Variants in TPO observed in about 807,000 individuals in gnomAD.
TPO encodes the protein thyroid microsomal antigen.
TPO carries 78 observed loss-of-function variants against 96.9 expected under a neutral mutation model. That is an observed-to-expected ratio of 0.81 (90% CI 0.67 to 0.97). TPO has a LOEUF of 0.97. TPO is among the 50% of genes least tolerant of loss of function. The pLI, the probability that TPO is intolerant of heterozygous loss-of-function variation, is 0.00. For synonymous variants in TPO, 547 were observed against 538.0 expected (o/e 1.02, Z -0.23); for missense variants, 1,252 against 1,274.8 (o/e 0.98, Z 0.27).
intron 4 of TPO, among the ~76,000 whole-genome samples, chr2:1,435,911 G>T (rs1200962562): frequency 6.6e-6 from 1 of 152,166 alleles, no homozygotes; most frequent in African/African-American, 2.4e-5. Context: ...TGATGAATGA[G>T]CCCTGGAGAT....
At chr2:1,527,366 C>T (rs1333494753) in intron 15 of TPO, among the ~76,000 whole-genome samples, 1 of 144,984 alleles carries the variant, frequency 6.9e-6, no homozygotes, top group Non-Finnish European at 1.5e-5. Context: ...TCCCCAAATC[C>T]CCGCACTGTG....
intron 9 of TPO, among the ~76,000 whole-genome samples, chr2:1,485,107 A>C (rs1330745682): frequency 1.5e-5 from 2 of 133,448 alleles, no homozygotes; most frequent in South Asian, 2.4e-4. Context: ...CCCTGTGTCC[A>C]TGTGTTCTCA....
At chr2:1,497,183 C>T (rs1213378120) in intron 13 of TPO, among the ~76,000 whole-genome samples, 1 of 152,212 alleles carries the variant, frequency 6.6e-6, no homozygotes, top group African/African-American at 2.4e-5. Flanking sequence ...ATGCCTGGTC[C>T]TCCTCCAGCC....
chr2:1,456,999 G>A (rs4927582), intron 7 of TPO, among the ~76,000 whole-genome samples: 2 of 8,386 alleles, frequency 2.4e-4, no homozygotes, highest in South Asian at 0.017. Context: ...ACACATATAT[G>A]TAGCATGTAT....
Position 1,503,116 on chromosome 2 carries a change from G to A in TPO, c.2387-832G>A, listed in dbSNP as rs184948454. 4.0e-3 allele frequency among the ~76,000 whole-genome samples: 616 copies of A among 152,282 alleles called. 6 individuals carry two copies. The highest frequency in any genetic ancestry group is 0.014 in the African/African-American group (589 of 41,562). On this transcript the variant is annotated intron_variant, in intron 13 of 16. Transcript: ENST00000329066. Reference sequence around the variant, plus strand: ...TCCACTCAGCGGTGAGACTGGGGAGGGTCCCTCCACCTCTCCCAGTGCTTT... The same window carrying A: ...TCCACTCAGCGGTGAGACTGGGGAGAGTCCCTCCACCTCTCCCAGTGCTTT...
At chr2:1,502,097 C>T (rs1201010790) in intron 13 of TPO, among the ~76,000 whole-genome samples, 1 of 151,978 alleles carries the variant, frequency 6.6e-6, no homozygotes, top group Non-Finnish European at 1.5e-5. Flanking sequence ...GGGCTTGTAG[C>T]GTTCATGGGT....
At chr2:1,507,704 A>G (rs1210637061) in intron 14 of TPO, among the ~76,000 whole-genome samples, 1 of 151,768 alleles carries the variant, frequency 6.6e-6, no homozygotes, top group African/African-American at 2.4e-5. Flanking sequence ...TTGGTGTATA[A>G]GAATGCTTGT....
intron 5 of TPO, 28 bp downstream of exon 5, chr2:1,436,412 C>G: frequency 6.2e-7 from 1 of 1,614,092 alleles, no homozygotes; most frequent in Non-Finnish European, 8.5e-7. Flanking sequence ...TCTTAATCTT[C>G]TCGTGAAAGT....
chr2:1,424,731 C>A (rs1664145774), intron 3 of TPO, among the ~76,000 whole-genome samples: 1 of 152,196 alleles, frequency 6.6e-6, no homozygotes, highest in Non-Finnish European at 1.5e-5. Context: ...TACTGTGGAA[C>A]AGTCATTGTT....
intron 5 of TPO, among the ~76,000 whole-genome samples, chr2:1,453,025 A>T (rs898721787): frequency 3.9e-5 from 6 of 152,246 alleles, no homozygotes; most frequent in Admixed American, 6.5e-5. Context: ...AAACTTCACC[A>T]TCTAGCCTAT....
intron 5 of TPO, 139 bp downstream of exon 5, chr2:1,436,523 C>CGACAT: frequency 7.5e-7 from 1 of 1,326,100 alleles, no homozygotes; most frequent in Non-Finnish European, 1.1e-6. Context: ...TTGGCCTCCC[C>CGACAT]GACATGGCCT....
chr2:1,539,865 A>G (rs762478030), intron 15 of TPO, among the ~76,000 whole-genome samples: 14 of 135,554 alleles, frequency 1.0e-4, no homozygotes, highest in East Asian at 2.2e-4. Flanking sequence ...GCAGCTCAGT[A>G]TTTGGGGAAT....
At chr2:1,505,281 G>A (rs534309866) in intron 14 of TPO, among the ~76,000 whole-genome samples, 316 of 140,216 alleles carry the variant, frequency 2.3e-3, no homozygotes, top group Middle Eastern at 4.5e-3. Context: ...TGTGTCAGGC[G>A]CACCCCACTA....
intron 5 of TPO, among the ~76,000 whole-genome samples, chr2:1,436,636 C>T (rs942844647): frequency 1.3e-5 from 2 of 152,192 alleles, no homozygotes; most frequent in Admixed American, 1.3e-4. Flanking sequence ...TCTTAACTTC[C>T]TAACCCCACA....
Position 1,512,521 on chromosome 2 carries a change from T to C in TPO, c.2519-4362T>C. The stretch of plus-strand genomic sequence containing the variant: ...GATGGATGTGATGCTTGCATGGTGC[T>C]GTCCCTGCCCCGCTCCGCCCCTGCT... On this transcript the variant is annotated intron_variant, in intron 14 of 16. Coordinates refer to ENST00000329066, the MANE Select transcript of TPO (RefSeq NM_001206744.2). The C allele has an allele frequency of 7.2e-6, 7 of 975,174 alleles. No individual in the cohort carries two copies. The South Asian group carries it at 2.8e-4, about 40-fold the overall frequency. The allele number at this position is 975,174 out of a possible 1,614,324, so 60.4% of individuals were successfully genotyped here. A position where few individuals can be genotyped will look rare whatever the true frequency, so the allele number is the denominator to read the frequency against.
intron 7 of TPO, among the ~76,000 whole-genome samples, chr2:1,462,178 A>G (rs1668508432): frequency 6.6e-6 from 1 of 152,024 alleles, no homozygotes; most frequent in East Asian, 1.9e-4. Context: ...TGCTTGTGGG[A>G]CCCTGAAGGC....
rs545004628 is a variant in TPO at position 1,432,668 on chromosome 2, G to A, written c.180-770G>A. On this transcript the variant is annotated intron_variant, in intron 3 of 16. Transcript: ENST00000329066. ...GCAGGTGAGGAGAGGCCTGCAGGTG[G>A]GGTGAGGCCTGCAGGTGGGGTGAGG... Among the ~76,000 whole-genome samples, 594 of 65,686 alleles carry A rather than the reference G, an allele frequency of 9.0e-3. 12 individuals carry two copies. The highest frequency in any genetic ancestry group is 0.017 in the South Asian group (19 of 1,106). The allele number at this position is 65,686 out of a possible 152,430, so 43.1% of individuals were successfully genotyped here. A position where few individuals can be genotyped will look rare whatever the true frequency, so the allele number is the denominator to read the frequency against.
intron 1 of TPO, among the ~76,000 whole-genome samples, chr2:1,384,680 T>C (rs1425374420): frequency 1.3e-5 from 2 of 152,282 alleles, no homozygotes; most frequent in African/African-American, 2.4e-5. Context: ...GACTTCCTCT[T>C]TTCCTAATTG....
chr2:1,451,701 C>T (rs1667316733), intron 5 of TPO, among the ~76,000 whole-genome samples: 1 of 152,200 alleles, frequency 6.6e-6, no homozygotes, highest in African/African-American at 2.4e-5. Context: ...GCGTGACTGA[C>T]AGATACCAAT....
Sources: allele counts gnomAD v4.1 joint callset (sites outside exome capture counted in the v4.1 genomes callset), GRCh38; gene constraint gnomAD v4.1.1; transcripts MANE v1.5; gene names NCBI Gene and HGNC (gene_info 2026-07-23, HGNC 2026-07-21).